The following MFAP3L variants were observed in gnomAD, a reference collection of about 807,000 sequenced individuals.
MFAP3L encodes the protein microfibrillar-associated protein 3-like.
A neutral mutation model predicts 20.0 loss-of-function variants in MFAP3L; 5 were observed. The observed-to-expected ratio is 0.25, with a 90% CI of 0.13 to 0.53. MFAP3L has a LOEUF of 0.53. MFAP3L is among the 20% of genes least tolerant of loss of function. MFAP3L has a pLI of 0.96. For synonymous variants in MFAP3L, 219 were observed against 213.0 expected (o/e 1.03, Z -0.25); for missense variants, 409 against 527.5 (o/e 0.78, Z 2.20).
Position 170,026,328 on chromosome 4 carries a change from G to A in MFAP3L, c.-228C>T, listed in dbSNP as rs534857895. On this transcript the variant is annotated 5_prime_UTR_variant, in exon 1 of 3. Transcript: ENST00000361618. ...GCGCCGCACTCTGCGCCGGACGCCC[G>A]GTAGCGCCTACTGCGGGCGAGCCGC... is the stretch of plus-strand genomic sequence containing the variant. 9 of 977,492 alleles carry A rather than the reference G, an allele frequency of 9.2e-6. No individual in the cohort carries two copies. Among genetic ancestry groups the A allele is most frequent in the East Asian group, 1.1e-4 (1 of 8,732 alleles). 60.6% of individuals were successfully genotyped at this position (977,492 alleles called of 1,614,324 possible). A position where few individuals can be genotyped will look rare whatever the true frequency, so the allele number is the denominator to read the frequency against.
intron 2 of MFAP3L, among the ~76,000 whole-genome samples, chr4:170,002,965 GAA>G (rs1238048351): frequency 2.0e-5 from 3 of 151,942 alleles, no homozygotes; most frequent in Non-Finnish European, 4.4e-5. Flanking sequence ...CTTCAAAAAT[GAA>G]AAGTTAAAGA....
chr4:170,020,353 T>C (rs1430060453), intron 1 of MFAP3L, among the ~76,000 whole-genome samples: 1 of 152,170 alleles, frequency 6.6e-6, no homozygotes, highest in Non-Finnish European at 1.5e-5. Flanking sequence ...TCCTCAATAT[T>C]GGGCTGCCAC....
intron 1 of MFAP3L, among the ~76,000 whole-genome samples, chr4:170,009,658 T>C (rs975591584): frequency 1.3e-5 from 2 of 152,216 alleles, no homozygotes; most frequent in South Asian, 4.1e-4. Flanking sequence ...ACTACTTTAT[T>C]TTCTATAAAT....
chr4:169,997,802 C>CTTCTTTT, intron 2 of MFAP3L: 1 of 940,300 alleles, frequency 1.1e-6, no homozygotes, highest in Non-Finnish European at 1.2e-6. Flanking sequence ...TTCATTAATT[C>CTTCTTTT]TTTTTTTTTT....
chr4:170,004,493 C>G (rs1289577376), intron 2 of MFAP3L, among the ~76,000 whole-genome samples: 1 of 152,206 alleles, frequency 6.6e-6, no homozygotes, highest in African/African-American at 2.4e-5. Context: ...AGCACTACAG[C>G]AAACCCCACA....
rs116317948 is a variant in MFAP3L, at chr4:170,008,390, T to C, written c.-133-2380A>G. 4.6e-3 allele frequency among the ~76,000 whole-genome samples: 708 copies of C among 152,340 alleles called. 8 individuals are homozygous for C. The highest frequency in any genetic ancestry group is 0.016 in the African/African-American group (677 of 41,578). ...ATTAACACTAATGAATTAATAGTTT[T>C]AGTAAGAATTTACTTTCAATTTACT... On this transcript the variant is annotated intron_variant, in intron 1 of 2. Coordinates refer to ENST00000361618, the MANE Select transcript of MFAP3L (RefSeq NM_021647.8).
Position 169,987,823 on chromosome 4 carries a change from T to C in MFAP3L, c.*3555A>G, listed in dbSNP as rs1404498948. On this transcript the variant is annotated 3_prime_UTR_variant, in exon 3 of 3. Transcript: ENST00000361618. ...TCCATTAAAATAATTTACATAGCCA[T>C]AGGTAAATTCATCCAGTCTTTCCAT... The C allele has an allele frequency of 6.6e-6, 1 of 152,168 alleles. No homozygotes were observed. Among genetic ancestry groups the C allele is most frequent in the African/African-American group, 2.4e-5 (1 of 41,442 alleles). The allele number at this position is 152,168 out of a possible 1,614,324, so 9.4% of individuals were successfully genotyped here.
chr4:170,004,751 G>C (rs1738919096), intron 2 of MFAP3L, among the ~76,000 whole-genome samples: 1 of 152,162 alleles, frequency 6.6e-6, no homozygotes, highest in South Asian at 2.1e-4. Context: ...AGGGCAATGT[G>C]AATGGAAGAA....
At chr4:170,017,887 G>T (rs1739797357) in intron 1 of MFAP3L, among the ~76,000 whole-genome samples, 1 of 152,158 alleles carries the variant, frequency 6.6e-6, no homozygotes, top group Non-Finnish European at 1.5e-5. Context: ...CTTTCCAGGT[G>T]ATCTCTCCCA....
At chr4:170,001,629 G>A (rs1009610539) in intron 2 of MFAP3L, among the ~76,000 whole-genome samples, 2 of 152,156 alleles carry the variant, frequency 1.3e-5, no homozygotes, top group South Asian at 4.1e-4. Context: ...TGGATAATTA[G>A]TGCCTGAAAT....
At chr4:169,998,317 T>A (rs1738351582) in intron 2 of MFAP3L, among the ~76,000 whole-genome samples, 1 of 152,186 alleles carries the variant, frequency 6.6e-6, no homozygotes, top group African/African-American at 2.4e-5. Context: ...GGTACAGGGG[T>A]GACTGTGACT....
At chr4:169,999,754 T>C (rs1302858544) in intron 2 of MFAP3L, among the ~76,000 whole-genome samples, 1 of 152,254 alleles carries the variant, frequency 6.6e-6, no homozygotes, top group Non-Finnish European at 1.5e-5. Context: ...TTGATATGGC[T>C]CAATTCAGAA....
At chr4:170,018,403 T>C (rs1190098542) in intron 1 of MFAP3L, among the ~76,000 whole-genome samples, 1 of 152,180 alleles carries the variant, frequency 6.6e-6, no homozygotes, top group Non-Finnish European at 1.5e-5. Flanking sequence ...CTATTCCAGA[T>C]GAGGGCCTCT....
Position 169,991,613 on chromosome 4 carries a change from T to A in MFAP3L, c.995A>T (p.Asp332Val). The change falls in exon 3 of 3, where the codon GAC becomes GTC. Residue 332 changes from aspartate to valine, a missense_variant. Asp to Val is a radical substitution (Grantham distance 152). Transcript: ENST00000361618. The surrounding 1 kb of genome is among the most constrained non-coding windows in gnomAD (Gnocchi z 4.9). ...HPQSKKEHAD[D>V]QEGGQFEVKD... ...GACTTCAAACTGTCCACCCTCTTGG[T>A]CATCTGCATGCTCTTTTTTGGACTG... 6.2e-7 allele frequency: 1 copy of A among 1,614,184 alleles called. No homozygotes were observed. The highest frequency in any genetic ancestry group is 8.5e-7 in the Non-Finnish European group (1 of 1,180,036).
In MFAP3L at chr4:169,989,714, T is replaced by C. The variant is rs551524805; in HGVS notation, c.*1664A>G. The C allele has an allele frequency of 2.0e-5, 3 of 152,198 alleles. No homozygotes were observed. Among genetic ancestry groups the C allele is most frequent in the African/African-American group, 7.2e-5 (3 of 41,452 alleles). 9.4% of individuals were successfully genotyped at this position (152,198 alleles called of 1,614,324 possible). ...CTCATCACCAATGTGATCCATGCAA[T>C]CTTGGACATCATAACCCCATTACCT... On this transcript the variant is annotated 3_prime_UTR_variant, in exon 3 of 3. Coordinates refer to ENST00000361618, the MANE Select transcript of MFAP3L (RefSeq NM_021647.8).
At chr4:170,009,703 G>A (rs867351738) in intron 1 of MFAP3L, among the ~76,000 whole-genome samples, 5 of 152,094 alleles carry the variant, frequency 3.3e-5, no homozygotes, top group Non-Finnish European at 7.4e-5. Flanking sequence ...AATATCAAAT[G>A]TTCTTTATTT....
chr4:170,022,687 G>A (rs952792256), intron 1 of MFAP3L, among the ~76,000 whole-genome samples: 5 of 152,164 alleles, frequency 3.3e-5, no homozygotes, highest in Admixed American at 6.5e-5. Context: ...ACGTGAAAGA[G>A]GGAAGCAGAA....
At chr4:170,024,300 T>C (rs1312612626) in intron 1 of MFAP3L, among the ~76,000 whole-genome samples, 1 of 152,106 alleles carries the variant, frequency 6.6e-6, no homozygotes, top group African/African-American at 2.4e-5. Context: ...TACTTAGGAT[T>C]TGTGGATCGA....
chr4:170,023,172 G>C (rs922712792), intron 1 of MFAP3L, among the ~76,000 whole-genome samples: 1 of 152,028 alleles, frequency 6.6e-6, no homozygotes, highest in African/African-American at 2.4e-5. Context: ...TCCAATCTAC[G>C]GGGTTCATTT....
Sources: allele counts gnomAD v4.1 joint callset (sites outside exome capture counted in the v4.1 genomes callset), GRCh38; gene constraint gnomAD v4.1.1; non-coding constraint Gnocchi (gnomAD v3.1); transcripts MANE v1.5; gene names NCBI Gene and HGNC (gene_info 2026-07-23, HGNC 2026-07-21).